The following PRKCE variants were observed in gnomAD, a reference collection of about 807,000 sequenced individuals.
The protein encoded by PRKCE is protein kinase C epsilon type.
In PRKCE, 16 loss-of-function variants were observed where a neutral mutation model predicts 85.4. The ratio of observed to expected loss-of-function variants is 0.19; its 90% CI spans 0.13 to 0.28. PRKCE has a LOEUF of 0.28. PRKCE is among the 10% of genes least tolerant of loss of function. The pLI, the probability that PRKCE is intolerant of heterozygous loss-of-function variation, is 1.00. For missense variants in PRKCE, 573 were observed against 975.2 expected (o/e 0.59, Z 5.49); for synonymous variants, 388 against 371.5 (o/e 1.04, Z -0.51).
chr2:45,976,816 GAA>G (rs2104534961), intron 3 of PRKCE, among the ~76,000 whole-genome samples: 1 of 151,132 alleles, frequency 6.6e-6, no homozygotes, highest in Non-Finnish European at 1.5e-5. Flanking sequence ...AGAATTTTAT[GAA>G]AAGAGTTAAG....
intron 11 of PRKCE, among the ~76,000 whole-genome samples, chr2:46,117,408 A>G (rs921921229): frequency 6.6e-6 from 1 of 152,238 alleles, no homozygotes; most frequent in Non-Finnish European, 1.5e-5. Flanking sequence ...ATCCAAAATA[A>G]TGTAAGCCTG....
chr2:46,143,024 G>A (rs1009074751), intron 11 of PRKCE, among the ~76,000 whole-genome samples: 3 of 152,158 alleles, frequency 2.0e-5, no homozygotes, highest in South Asian at 2.1e-4. Context: ...GCAGAGGAGC[G>A]CAGCACACAG....
At chr2:45,744,232 G>A (rs930014067) in intron 1 of PRKCE, among the ~76,000 whole-genome samples, 1 of 152,156 alleles carries the variant, frequency 6.6e-6, no homozygotes, top group African/African-American at 2.4e-5. Context: ...CAGGAAGCCA[G>A]GAAGCTCTCA....
chr2:45,783,247 AG>A (rs1350055583), intron 1 of PRKCE, among the ~76,000 whole-genome samples: 1 of 152,192 alleles, frequency 6.6e-6, no homozygotes, highest in East Asian at 1.9e-4. Flanking sequence ...CTGGTTGCAG[AG>A]GCCAAATACT....
intron 1 of PRKCE, among the ~76,000 whole-genome samples, chr2:45,737,742 A>G (rs11125028): frequency 0.58 from 88,469 of 151,728 alleles, 27,138 homozygotes; most frequent in African/African-American, 0.79. Flanking sequence ...TGCTCTGTCC[A>G]CAGAGCTTGT....
intron 8 of PRKCE, among the ~76,000 whole-genome samples, chr2:46,005,436 A>G (rs532475823): frequency 3.3e-4 from 50 of 152,270 alleles, no homozygotes; most frequent in African/African-American, 1.2e-3. Context: ...TGGTTTTTCT[A>G]TATCCCTTTT....
intron 1 of PRKCE, among the ~76,000 whole-genome samples, chr2:45,692,917 G>C (rs1007189643): frequency 6.6e-6 from 1 of 152,188 alleles, no homozygotes; most frequent in African/African-American, 2.4e-5. Context: ...AGCTGAACCT[G>C]AGCAATGTCA....
chr2:45,707,545 G>A (rs894446006), intron 1 of PRKCE, among the ~76,000 whole-genome samples: 4 of 152,218 alleles, frequency 2.6e-5, no homozygotes, highest in African/African-American at 9.7e-5. Flanking sequence ...CAGACTCGAA[G>A]CTGGTCCTGT....
intron 1 of PRKCE, chr2:45,685,373 T>A (rs1009388113): frequency 6.6e-6 from 1 of 152,220 alleles, no homozygotes; most frequent in African/African-American, 2.4e-5. Context: ...ATACCCATAT[T>A]TTAATTCTAT....
chr2:46,090,564 C>G (rs1180787898), intron 11 of PRKCE, among the ~76,000 whole-genome samples: 1 of 152,186 alleles, frequency 6.6e-6, no homozygotes, highest in African/African-American at 2.4e-5. Flanking sequence ...CCAGAGTCTT[C>G]TAATCCAGTG....
At chr2:46,179,846 C>T (rs1010906952) in intron 14 of PRKCE, among the ~76,000 whole-genome samples, 1 of 152,154 alleles carries the variant, frequency 6.6e-6, no homozygotes, top group African/African-American at 2.4e-5. Context: ...GCCATCCCCC[C>T]CAACTCCCTG....
In PRKCE at chr2:45,988,925, G is replaced by A. The variant is rs139293654; in HGVS notation, c.823+4245G>A. On this transcript the variant is annotated intron_variant, in intron 6 of 14. Coordinates refer to ENST00000306156, the MANE Select transcript of PRKCE (RefSeq NM_005400.3). ...CTGTTTTATTTTCCCATTGACACAT[G>A]GAGTCAGTGGCCCCTGGAGGCAGAG... 6.1e-3 allele frequency among the ~76,000 whole-genome samples: 936 copies of A among 152,280 alleles called. 9 individuals are homozygous for A. Among genetic ancestry groups the A allele is most frequent in the African/African-American group, 0.02 (847 of 41,550 alleles).
intron 2 of PRKCE, among the ~76,000 whole-genome samples, chr2:45,855,424 C>T (rs1162664255): frequency 6.6e-6 from 1 of 152,160 alleles, no homozygotes; most frequent in African/African-American, 2.4e-5. Flanking sequence ...TAGGGAAGCT[C>T]CCTATTTGAA....
At chr2:45,723,618 T>G (rs939604545) in intron 1 of PRKCE, among the ~76,000 whole-genome samples, 1 of 152,098 alleles carries the variant, frequency 6.6e-6, no homozygotes, top group Admixed American at 6.6e-5. Context: ...TTTGTTTTGT[T>G]TTTTGAGACG....
At chr2:45,899,384 C>CTT (rs1028345493) in intron 2 of PRKCE, among the ~76,000 whole-genome samples, 12 of 142,836 alleles carry the variant, frequency 8.4e-5, no homozygotes, top group African/African-American at 2.3e-4. Context: ...AATTTTTTTT[C>CTT]TTTTTTTTTT....
At chr2:45,843,809 G>A (rs1177344344) in intron 2 of PRKCE, among the ~76,000 whole-genome samples, 1 of 152,202 alleles carries the variant, frequency 6.6e-6, no homozygotes, top group Non-Finnish European at 1.5e-5. Context: ...TAGTTATTGT[G>A]GCCTTCTTTT....
At chr2:45,939,199 T>C (rs1431257619) in intron 2 of PRKCE, among the ~76,000 whole-genome samples, 1 of 152,140 alleles carries the variant, frequency 6.6e-6, no homozygotes, top group Non-Finnish European at 1.5e-5. Flanking sequence ...GGGATATGGG[T>C]GTGTTTCGGG....
chr2:45,988,921 A>G (rs913208926), intron 6 of PRKCE, among the ~76,000 whole-genome samples: 1 of 152,112 alleles, frequency 6.6e-6, no homozygotes, highest in Non-Finnish European at 1.5e-5. Flanking sequence ...TCCCATTGAC[A>G]CATGGAGTCA....
intron 6 of PRKCE, among the ~76,000 whole-genome samples, chr2:45,985,505 G>T (rs975397157): frequency 6.6e-6 from 1 of 152,170 alleles, no homozygotes; most frequent in African/African-American, 2.4e-5. Context: ...TTTACTGTTT[G>T]TGTGGAATGT....
Sources: gnomAD v4.1 joint callset for allele counts (sites outside exome capture counted in the v4.1 genomes callset) on GRCh38, gnomAD v4.1.1 for gene constraint, MANE v1.5 for transcripts, NCBI Gene and HGNC (gene_info 2026-07-23, HGNC 2026-07-21) for gene names.